The following SOX6 variants were observed in gnomAD, a reference collection of about 807,000 sequenced individuals.
SOX6 encodes the protein SRY-box transcription factor 6.
SOX6 carries 11 observed loss-of-function variants against 97.8 expected under a neutral mutation model. The ratio of observed to expected loss-of-function variants is 0.11; its 90% CI spans 0.07 to 0.19. SOX6 has a LOEUF of 0.19. Among genes scored for constraint, SOX6 ranks in the 10% least tolerant of loss-of-function variants. The pLI, the probability that SOX6 is intolerant of heterozygous loss-of-function variation, is 1.00. For missense variants in SOX6, 810 were observed against 1,039.5 expected, an observed-to-expected ratio of 0.78 and a Z score of 3.04; for synonymous variants, 360 against 371.4, an observed-to-expected ratio of 0.97 and a Z score of 0.35.
intron 12 of SOX6, among the ~76,000 whole-genome samples, chr11:16,044,765 C>G (rs774856968): frequency 1.3e-5 from 2 of 152,128 alleles, no homozygotes; most frequent in Non-Finnish European, 2.9e-5. Context: ...CACAACATCC[C>G]TAGTAATGAA....
chr11:16,649,786 T>C (rs1162963764), intron 3 of SOX6, among the ~76,000 whole-genome samples: 1 of 151,802 alleles, frequency 6.6e-6, no homozygotes, highest in African/African-American at 2.4e-5. Context: ...TCAATACTAA[T>C]GTTGAAGGTA....
chr11:16,405,129 AT>A (rs1190349433), intron 1 of SOX6, among the ~76,000 whole-genome samples: 3 of 152,028 alleles, frequency 2.0e-5, no homozygotes, highest in Non-Finnish European at 4.4e-5. Context: ...CAAAGGTCGC[AT>A]TATGAGGTTT....
At chr11:16,465,684 T>C (rs1364524275) in intron 1 of SOX6, 1 of 152,320 alleles carries the variant, frequency 6.6e-6, no homozygotes, top group East Asian at 1.9e-4. Flanking sequence ...GGAAAAACAA[T>C]TAACTGTAAA....
rs1338673729 is a variant in SOX6 at position 15,971,219 on chromosome 11, C to T, written c.*1590G>A. The T allele has an allele frequency of 2.0e-5, 3 of 152,778 alleles. No individual in the cohort carries two copies. In the East Asian group the frequency reaches 5.8e-4, roughly 29 times the overall value. The allele number at this position is 152,778 out of a possible 1,614,324, so 9.5% of individuals were successfully genotyped here. A position where few individuals can be genotyped will look rare whatever the true frequency, so the allele number is the denominator to read the frequency against. On this transcript the variant is annotated 3_prime_UTR_variant, in exon 16 of 16. Coordinates refer to ENST00000683767, the MANE Select transcript of SOX6 (RefSeq NM_001367873.1). Reference sequence around the variant, plus strand: ...CCTCCTTCTCCTCCCTTACAGTTTTCTTTCATTCTCTAGATGTATCATGAC... The same window carrying T: ...CCTCCTTCTCCTCCCTTACAGTTTTTTTTCATTCTCTAGATGTATCATGAC...
At chr11:16,002,808 T>A (rs1358757628) in intron 13 of SOX6, among the ~76,000 whole-genome samples, 2 of 152,130 alleles carry the variant, frequency 1.3e-5, no homozygotes, top group Non-Finnish European at 2.9e-5. Context: ...CAGCTCTACC[T>A]CCTGTCATAG....
intron 4 of SOX6, among the ~76,000 whole-genome samples, chr11:16,501,837 A>C (rs1289064164): frequency 6.6e-6 from 1 of 152,236 alleles, no homozygotes; most frequent in Admixed American, 6.5e-5. Context: ...GATGTGCAGA[A>C]ATAGAAACAC....
intron 9 of SOX6, among the ~76,000 whole-genome samples, chr11:16,088,778 G>C (rs1414017101): frequency 6.6e-6 from 1 of 152,146 alleles, no homozygotes; most frequent in Non-Finnish European, 1.5e-5. Flanking sequence ...AAACTTGATA[G>C]GGAATTTGTA....
intron 13 of SOX6, among the ~76,000 whole-genome samples, chr11:16,002,880 C>T (rs546309755): frequency 2.0e-5 from 3 of 152,330 alleles, no homozygotes; most frequent in East Asian, 3.9e-4. Context: ...TTAGTTAACA[C>T]AGATACTACT....
chr11:16,339,438 GCTGTTCC>G (rs1221596391), intron 2 of SOX6, among the ~76,000 whole-genome samples: 2 of 151,818 alleles, frequency 1.3e-5, no homozygotes, highest in Non-Finnish European at 2.9e-5. Flanking sequence ...CTTCATACAT[GCTGTTCC>G]CTCTGCAGTT....
At chr11:16,219,538 C>T (rs1042210882) in intron 4 of SOX6, among the ~76,000 whole-genome samples, 11 of 151,878 alleles carry the variant, frequency 7.2e-5, no homozygotes. Flanking sequence ...GGAATAATTG[C>T]TCAAATTTCC....
intron 11 of SOX6, among the ~76,000 whole-genome samples, chr11:16,048,947 T>G (rs1255604054): frequency 6.6e-6 from 1 of 152,142 alleles, no homozygotes; most frequent in Non-Finnish European, 1.5e-5. Context: ...TTCATCCCAC[T>G]TATATATGTA....
At chr11:16,132,441 GAAAAAAGAAAGAAAGAAAGAAAGAA>G (rs1849826700) in intron 6 of SOX6, among the ~76,000 whole-genome samples, 1 of 54,708 alleles carries the variant, frequency 1.8e-5, no homozygotes, top group East Asian at 8.6e-4. Context: ...AAGAAAGAAA[GAAAAAAGAAAGAAAGAAAGAAAGAA>G]AGAAAGAAAG....
chr11:16,411,680 C>A (rs551234890), intron 1 of SOX6, among the ~76,000 whole-genome samples: 1 of 152,162 alleles, frequency 6.6e-6, no homozygotes, highest in African/African-American at 2.4e-5. Flanking sequence ...CCTAAAAGAG[C>A]AAGAAATATA....
chr11:16,598,815 C>G (rs1209368596), intron 4 of SOX6, among the ~76,000 whole-genome samples: 1 of 151,914 alleles, frequency 6.6e-6, no homozygotes, highest in African/African-American at 2.4e-5. Flanking sequence ...AGCATAAAGT[C>G]CCTTTTTACA....
chr11:16,562,933 C>T (rs886769292), intron 4 of SOX6, among the ~76,000 whole-genome samples: 24 of 152,128 alleles, frequency 1.6e-4, no homozygotes, highest in African/African-American at 5.8e-4. Flanking sequence ...AGCCTCCCTT[C>T]CCTTACTGAA....
chr11:16,448,833 G>T (rs776542999), intron 1 of SOX6, among the ~76,000 whole-genome samples: 19 of 152,048 alleles, frequency 1.2e-4, no homozygotes, highest in Non-Finnish European at 2.4e-4. Flanking sequence ...GGGGTTCAAG[G>T]CCAGTCTGAT....
chr11:16,608,609 AAAGAAAAAGC>A (rs1848363048), intron 4 of SOX6, among the ~76,000 whole-genome samples: 1 of 152,174 alleles, frequency 6.6e-6, no homozygotes, highest in Admixed American at 6.5e-5. Flanking sequence ...GAAAAAAAAA[AAAGAAAAAGC>A]AATTCACACA....
chr11:16,680,871 C>T (rs1056023784), intron 3 of SOX6, among the ~76,000 whole-genome samples: 1 of 152,212 alleles, frequency 6.6e-6, no homozygotes, highest in African/African-American at 2.4e-5. Flanking sequence ...AAGGCCATTA[C>T]ATCATGGTAA....
intron 4 of SOX6, among the ~76,000 whole-genome samples, chr11:16,190,639 T>G (rs1442730842): frequency 6.6e-6 from 1 of 152,150 alleles, no homozygotes; most frequent in Non-Finnish European, 1.5e-5. Context: ...AAAAATGAAG[T>G]TGGAGTGAAG....
Sources: gnomAD v4.1 joint callset for allele counts (sites outside exome capture counted in the v4.1 genomes callset) on GRCh38, gnomAD v4.1.1 for gene constraint, MANE v1.5 for transcripts, NCBI Gene and HGNC (gene_info 2026-07-23, HGNC 2026-07-21) for gene names.